The following HS3ST4 variants were observed in gnomAD, a reference collection of about 807,000 sequenced individuals.
HS3ST4 encodes heparan sulfate glucosamine 3-O-sulfotransferase 4.
HS3ST4 carries 17 observed loss-of-function variants against 29.2 expected under a neutral mutation model. That is an observed-to-expected ratio of 0.58 (90% CI 0.40 to 0.87). The LOEUF (loss-of-function observed/expected upper bound fraction) is 0.87, where lower values mean the gene tolerates loss of function less well. Ranked by LOEUF, HS3ST4 falls within the 40% of genes least tolerant of loss-of-function variation. HS3ST4 has a pLI of 0.00. For synonymous variants in HS3ST4, 314 were observed against 285.7 expected (o/e 1.10, Z -1.00); for missense variants, 627 against 634.5 (o/e 0.99, Z 0.13).
chr16:25,720,132 T>C (rs1966483086), intron 1 of HS3ST4, among the ~76,000 whole-genome samples: 1 of 152,092 alleles, frequency 6.6e-6, no homozygotes, highest in South Asian at 2.1e-4. Context: ...TAGGGGAGGC[T>C]TGTGGGATAG....
chr16:26,050,714 G>C (rs1898331995), intron 1 of HS3ST4, among the ~76,000 whole-genome samples: 2 of 152,178 alleles, frequency 1.3e-5, no homozygotes, highest in African/African-American at 4.8e-5. Context: ...CCAGCGGACA[G>C]AGGCATACCC....
chr16:25,955,178 G>A (rs555970270), intron 1 of HS3ST4, among the ~76,000 whole-genome samples: 31 of 152,248 alleles, frequency 2.0e-4, no homozygotes, highest in African/African-American at 7.5e-4. Context: ...CCTGTGACCA[G>A]AAAACCTTAT....
intron 1 of HS3ST4, among the ~76,000 whole-genome samples, chr16:25,954,931 T>C: frequency 6.6e-6 from 1 of 152,190 alleles, no homozygotes; most frequent in Non-Finnish European, 1.5e-5. Flanking sequence ...GACCAATGAA[T>C]ATGCTTATGA....
At chr16:26,112,349 TA>T (rs1899143085) in intron 1 of HS3ST4, among the ~76,000 whole-genome samples, 1 of 147,432 alleles carries the variant, frequency 6.8e-6, no homozygotes, top group Non-Finnish European at 1.5e-5. Flanking sequence ...TTCCACATTA[TA>T]ACCAGGCTTG....
chr16:26,007,042 T>A (rs1596642440), intron 1 of HS3ST4, among the ~76,000 whole-genome samples: 1 of 152,328 alleles, frequency 6.6e-6, no homozygotes, highest in East Asian at 1.9e-4. Flanking sequence ...TGTTATAATT[T>A]TTGCAAAGGC....
At chr16:25,982,021 C>T (rs1056679570) in intron 1 of HS3ST4, among the ~76,000 whole-genome samples, 1 of 134,358 alleles carries the variant, frequency 7.4e-6, no homozygotes, top group South Asian at 2.4e-4. Context: ...TGTGTATATT[C>T]ACATACTGAG....
intron 1 of HS3ST4, chr16:26,062,839 G>A: frequency 3.4e-6 from 1 of 293,258 alleles, no homozygotes; most frequent in Admixed American, 3.6e-5. Flanking sequence ...CATATTCTGG[G>A]AGAAGAACTT....
intron 1 of HS3ST4, among the ~76,000 whole-genome samples, chr16:25,748,269 A>G (rs555843316): frequency 6.6e-6 from 1 of 152,144 alleles, no homozygotes; most frequent in African/African-American, 2.4e-5. Flanking sequence ...TTTAAAATGA[A>G]CCCATACTGT....
intron 1 of HS3ST4, among the ~76,000 whole-genome samples, chr16:25,994,000 GTGTGT>G (rs1969137443): frequency 3.4e-5 from 5 of 146,012 alleles, no homozygotes; most frequent in South Asian, 4.5e-4. Context: ...GTGTGTGTGT[GTGTGT>G]GTGGTGGAGA....
chr16:25,763,940 T>G (rs1347222458), intron 1 of HS3ST4, among the ~76,000 whole-genome samples: 1 of 152,146 alleles, frequency 6.6e-6, no homozygotes, highest in East Asian at 1.9e-4. Context: ...AGTTAAAAAC[T>G]GTTGTAGGTT....
At chr16:25,758,938 A>AG (rs778848266) in intron 1 of HS3ST4, among the ~76,000 whole-genome samples, 2 of 151,722 alleles carry the variant, frequency 1.3e-5, no homozygotes, top group Non-Finnish European at 2.9e-5. Flanking sequence ...CCTGGGTAAC[A>AG]GAGTGAGACT....
At chr16:25,880,187 T>C (rs1179074121) in intron 1 of HS3ST4, among the ~76,000 whole-genome samples, 1 of 152,142 alleles carries the variant, frequency 6.6e-6, no homozygotes, top group Non-Finnish European at 1.5e-5. Context: ...CAACTTTTCT[T>C]TATATTAGTC....
chr16:26,099,775 A>G (rs1237666244), intron 1 of HS3ST4, among the ~76,000 whole-genome samples: 1 of 152,170 alleles, frequency 6.6e-6, no homozygotes, highest in Non-Finnish European at 1.5e-5. Context: ...CAGACAATAT[A>G]TAAGTAAACA....
chr16:26,122,873 G>A (rs998635395), intron 1 of HS3ST4, among the ~76,000 whole-genome samples: 2 of 152,164 alleles, frequency 1.3e-5, no homozygotes, highest in African/African-American at 4.8e-5. Flanking sequence ...TGACCAACAC[G>A]TGAAACCTCA....
At chr16:25,938,983 T>A (rs1208362357) in intron 1 of HS3ST4, among the ~76,000 whole-genome samples, 1 of 152,158 alleles carries the variant, frequency 6.6e-6, no homozygotes, top group Non-Finnish European at 1.5e-5. Flanking sequence ...TAGAATCTAG[T>A]GCAATGTCTT....
At chr16:26,060,119 A>G (rs1032474869) in intron 1 of HS3ST4, among the ~76,000 whole-genome samples, 1 of 152,168 alleles carries the variant, frequency 6.6e-6, no homozygotes, top group Non-Finnish European at 1.5e-5. Flanking sequence ...GATTGTTGTC[A>G]GAACCCTGAG....
At chr16:25,882,497 G>A (rs1280766014) in intron 1 of HS3ST4, among the ~76,000 whole-genome samples, 4 of 152,130 alleles carry the variant, frequency 2.6e-5, no homozygotes, top group Non-Finnish European at 2.9e-5. Flanking sequence ...GTTTGCCGAT[G>A]GTGGATTGTC....
intron 1 of HS3ST4, among the ~76,000 whole-genome samples, chr16:25,820,455 G>A (rs976021995): frequency 1.3e-5 from 2 of 152,220 alleles, no homozygotes; most frequent in Admixed American, 6.5e-5. Flanking sequence ...GTGCGGTGGT[G>A]CAGTCATAGC....
intron 1 of HS3ST4, among the ~76,000 whole-genome samples, chr16:26,065,498 A>C (rs1209199729): frequency 6.6e-6 from 1 of 152,180 alleles, no homozygotes; most frequent in Non-Finnish European, 1.5e-5. Flanking sequence ...AGGAGGGAGA[A>C]GATAAGGAAA....
Sources: allele counts gnomAD v4.1 joint callset (sites outside exome capture counted in the v4.1 genomes callset), GRCh38; gene constraint gnomAD v4.1.1; transcripts MANE v1.5; gene names NCBI Gene and HGNC (gene_info 2026-07-23, HGNC 2026-07-21).